The following SDK1 variants were observed in gnomAD, a reference collection of about 807,000 sequenced individuals.
The protein encoded by SDK1 is sidekick cell adhesion molecule 1.
Under a neutral mutation model 245.5 loss-of-function variants are expected in SDK1, and 157 were observed. The observed-to-expected ratio is 0.64, with a 90% CI of 0.56 to 0.73. The LOEUF is 0.73. Among genes scored for constraint, SDK1 ranks in the 30% least tolerant of loss-of-function variants. The probability of loss-of-function intolerance (pLI) is 0.00; values close to 1 mark genes in which losing one functional copy is unlikely to be tolerated. For synonymous variants in SDK1, 1,647 were observed against 1,278.5 expected, an observed-to-expected ratio of 1.29 and a Z score of -6.15; for missense variants, 3,583 against 3,002.3, an observed-to-expected ratio of 1.19 and a Z score of -4.52.
chr7:3,432,182 C>A (rs1372383102), intron 1 of SDK1, among the ~76,000 whole-genome samples: 6 of 149,474 alleles, frequency 4.0e-5, no homozygotes, highest in Admixed American at 1.3e-4. Flanking sequence ...TATATATCCC[C>A]ATACCTGAAG....
At chr7:3,583,290 C>G (rs574628018) in intron 1 of SDK1, among the ~76,000 whole-genome samples, 2 of 152,316 alleles carry the variant, frequency 1.3e-5, no homozygotes, top group South Asian at 2.1e-4. Context: ...AAACTGCTTT[C>G]TTAGTAAACA....
chr7:3,685,517 G>A (rs1348454476), intron 4 of SDK1, among the ~76,000 whole-genome samples: 1 of 152,158 alleles, frequency 6.6e-6, no homozygotes, highest in East Asian at 1.9e-4. Context: ...AGAAAGAAAA[G>A]AATGTTGGAG....
At chr7:3,936,072 C>T (rs542689556) in intron 5 of SDK1, among the ~76,000 whole-genome samples, 1 of 152,206 alleles carries the variant, frequency 6.6e-6, no homozygotes, top group South Asian at 2.1e-4. Flanking sequence ...AAAGGAAGGA[C>T]ATTCTGACAC....
At chr7:3,508,193 T>C (rs923299075) in intron 1 of SDK1, among the ~76,000 whole-genome samples, 2 of 151,864 alleles carry the variant, frequency 1.3e-5, no homozygotes, top group East Asian at 1.9e-4. Context: ...TGAATATTTT[T>C]TTTTCTGGTT....
At position 3,341,754 on chromosome 7, in the gene SDK1, A is replaced by G. The variant is rs145119294; in HGVS notation, c.298+39870A>G. On this transcript the variant is annotated intron_variant, in intron 1 of 44. Transcript: ENST00000404826. ...AACATGTGTAGGATATTTGTGCTGA[A>G]AATTACAAAACTGATGAAACAAATC... 2.5e-3 allele frequency among the ~76,000 whole-genome samples: 382 copies of G among 152,364 alleles called. 5 individuals are homozygous for G. Among genetic ancestry groups the G allele is most frequent in the African/African-American group, 8.8e-3 (366 of 41,588 alleles).
chr7:3,559,602 G>C (rs1436886634), intron 1 of SDK1, among the ~76,000 whole-genome samples: 1 of 152,150 alleles, frequency 6.6e-6, no homozygotes, highest in Admixed American at 6.5e-5. Flanking sequence ...TCTTGCAAGA[G>C]CTTTCACTTT....
intron 17 of SDK1, among the ~76,000 whole-genome samples, chr7:4,048,708 C>T (rs2128165497): frequency 6.6e-6 from 1 of 152,338 alleles, no homozygotes; most frequent in African/African-American, 2.4e-5. Flanking sequence ...AGAGCATCTG[C>T]CTCTTACAGT....
At chr7:3,345,546 A>G (rs974191176) in intron 1 of SDK1, among the ~76,000 whole-genome samples, 6 of 152,194 alleles carry the variant, frequency 3.9e-5, no homozygotes, top group African/African-American at 1.4e-4. Flanking sequence ...AAACCCCACC[A>G]TTCAATAACA....
chr7:3,862,749 A>G (rs546148680), intron 5 of SDK1, among the ~76,000 whole-genome samples: 1 of 152,274 alleles, frequency 6.6e-6, no homozygotes, highest in East Asian at 1.9e-4. Flanking sequence ...TCCATACTTC[A>G]GTGTTCCTTA....
chr7:3,870,434 G>A (rs1418425399), intron 5 of SDK1, among the ~76,000 whole-genome samples: 1 of 152,012 alleles, frequency 6.6e-6, no homozygotes, highest in African/African-American at 2.4e-5. Context: ...GGACTTAGCG[G>A]GTGTCATAAT....
chr7:3,729,352 G>A (rs1779108108), intron 4 of SDK1, among the ~76,000 whole-genome samples: 1 of 152,216 alleles, frequency 6.6e-6, no homozygotes, highest in African/African-American at 2.4e-5. Context: ...CTCTAGCGCT[G>A]TATTCCTACA....
At chr7:3,809,534 A>G (rs1163320895) in intron 4 of SDK1, among the ~76,000 whole-genome samples, 1 of 152,172 alleles carries the variant, frequency 6.6e-6, no homozygotes, top group Non-Finnish European at 1.5e-5. Context: ...TTAACACGAG[A>G]GTGGAACCCT....
chr7:3,609,637 T>C (rs1443015971), intron 1 of SDK1, among the ~76,000 whole-genome samples: 6 of 152,104 alleles, frequency 3.9e-5, no homozygotes, highest in African/African-American at 1.4e-4. Context: ...CCTGATCTTA[T>C]GATCTGTCCA....
At chr7:3,939,698 T>G (rs1010940753) in intron 5 of SDK1, among the ~76,000 whole-genome samples, 3 of 152,084 alleles carry the variant, frequency 2.0e-5, no homozygotes, top group Admixed American at 2.0e-4. Flanking sequence ...TATATCTGAG[T>G]CTCTTTAAAA....
At chr7:4,085,459 T>C (rs1185115408) in intron 22 of SDK1, among the ~76,000 whole-genome samples, 3 of 152,244 alleles carry the variant, frequency 2.0e-5, no homozygotes, top group Non-Finnish European at 2.9e-5. Flanking sequence ...ATTGTGGTTA[T>C]CTCGATACAG....
At chr7:3,602,112 G>A (rs1033984729) in intron 1 of SDK1, among the ~76,000 whole-genome samples, 2 of 151,864 alleles carry the variant, frequency 1.3e-5, no homozygotes, top group Non-Finnish European at 2.9e-5. Flanking sequence ...AGTCTTTGCT[G>A]TTGTGAATAG....
chr7:3,752,857 C>G (rs753375053), intron 4 of SDK1, among the ~76,000 whole-genome samples: 1 of 152,154 alleles, frequency 6.6e-6, no homozygotes, highest in Non-Finnish European at 1.5e-5. Context: ...TCTCTATTAT[C>G]TTAACACAGT....
At chr7:3,987,457 A>C in intron 14 of SDK1, 135 bp downstream of exon 14, 1 of 910,710 alleles carries the variant, frequency 1.1e-6, no homozygotes, top group Non-Finnish European at 1.7e-6. Context: ...AGGGTTTCAA[A>C]CACAGCCTGC....
chr7:3,641,925 C>T (rs971324787), intron 3 of SDK1, 33 bp from the exon 4 acceptor site: 1 of 1,593,270 alleles, frequency 6.3e-7, no homozygotes, highest in Admixed American at 1.8e-5. Context: ...AAAATGTTTT[C>T]TAGAACTTGA....
Sources: allele counts gnomAD v4.1 joint callset (sites outside exome capture counted in the v4.1 genomes callset), GRCh38; gene constraint gnomAD v4.1.1; transcripts MANE v1.5; gene names NCBI Gene and HGNC (gene_info 2026-07-23, HGNC 2026-07-21).